The following TTLL11 variants were observed in gnomAD, a reference collection of about 807,000 sequenced individuals.
The protein encoded by TTLL11 is tubulin polyglutamylase TTLL11.
TTLL11 carries 42 observed loss-of-function variants against 51.7 expected under a neutral mutation model. The observed-to-expected ratio is 0.81, with a 90% CI of 0.64 to 1.05. The LOEUF (loss-of-function observed/expected upper bound fraction) is 1.05, where lower values mean the gene tolerates loss of function less well. Ranked by LOEUF, TTLL11 falls within the 50% of genes least tolerant of loss-of-function variation. The pLI, the probability that TTLL11 is intolerant of heterozygous loss-of-function variation, is 0.00. For missense variants in TTLL11, 799 were observed against 940.4 expected, an observed-to-expected ratio of 0.85 and a Z score of 1.97; for synonymous variants, 381 against 383.5, an observed-to-expected ratio of 0.99 and a Z score of 0.08.
chr9:121,925,333 C>T (rs2131535002), intron 6 of TTLL11, among the ~76,000 whole-genome samples: 1 of 152,348 alleles, frequency 6.6e-6, no homozygotes, highest in South Asian at 2.1e-4. Flanking sequence ...GGAGATGAGT[C>T]CCAGGCTCCC....
Position 122,092,974 on chromosome 9 carries a change from G to T in TTLL11, c.175C>A (p.Gln59Lys). Residue 59 changes from glutamine (Q) to lysine (K), a missense_variant, in exon 1 of 9, where the codon CAG becomes AAG. Physicochemically the swap from Gln to Lys is moderately conservative, Grantham distance 53. Coordinates refer to ENST00000321582, the MANE Select transcript of TTLL11 (RefSeq NM_001139442.2). ...GGGGCCGGGGCCAGGACCTTGGGCTGCTCCTCCCCTGCCTTGCACTCCGGT... is the reference window on the plus strand; with the variant it reads ...GGGGCCGGGGCCAGGACCTTGGGCTTCTCCTCCCCTGCCTTGCACTCCGGT... ...GEPECKAGEE[Q>K]PKVLAPAPAQ... 1.3e-6 allele frequency: 2 copies of T among 1,572,228 alleles called. No individual in the cohort carries two copies. The highest frequency in any genetic ancestry group is 1.8e-5 in the Admixed American group (1 of 56,960).
chr9:121,873,779 C>G (rs2131402924), intron 6 of TTLL11, among the ~76,000 whole-genome samples: 1 of 151,492 alleles, frequency 6.6e-6, no homozygotes, highest in South Asian at 2.1e-4. Context: ...AACAATCTTG[C>G]CTCAGCTTCC....
At chr9:121,876,576 T>C (rs1838573818) in intron 6 of TTLL11, among the ~76,000 whole-genome samples, 1 of 152,168 alleles carries the variant, frequency 6.6e-6, no homozygotes, top group Non-Finnish European at 1.5e-5. Context: ...GAAAGGTGCT[T>C]GGACTTAGTA....
At chr9:121,876,676 T>C (rs1203966514) in intron 6 of TTLL11, among the ~76,000 whole-genome samples, 1 of 152,206 alleles carries the variant, frequency 6.6e-6, no homozygotes, top group Non-Finnish European at 1.5e-5. Flanking sequence ...GCCAGCACTA[T>C]GTATTCCGAA....
chr9:121,871,635 G>C (rs1838361113), intron 6 of TTLL11, among the ~76,000 whole-genome samples: 1 of 152,160 alleles, frequency 6.6e-6, no homozygotes, highest in African/African-American at 2.4e-5. Context: ...TTTTAGGCCA[G>C]CCTGGCTGAG....
At chr9:122,003,283 A>T (rs902970298) in intron 3 of TTLL11, among the ~76,000 whole-genome samples, 11 of 152,106 alleles carry the variant, frequency 7.2e-5, no homozygotes, top group African/African-American at 2.7e-4. Context: ...ATTATAATGT[A>T]CTTGGGGGAC....
chr9:121,900,051 T>C (rs1445448479), intron 6 of TTLL11, among the ~76,000 whole-genome samples: 1 of 152,196 alleles, frequency 6.6e-6, no homozygotes, highest in Non-Finnish European at 1.5e-5. Flanking sequence ...GCCTAGTAAG[T>C]GAGATTTGAA....
chr9:122,010,414 C>T (rs887898947), intron 3 of TTLL11, among the ~76,000 whole-genome samples: 1 of 152,166 alleles, frequency 6.6e-6, no homozygotes, highest in Non-Finnish European at 1.5e-5. Flanking sequence ...AACTTTGGAG[C>T]GTGGTTCAAG....
intron 6 of TTLL11, among the ~76,000 whole-genome samples, chr9:121,871,544 T>C (rs1409455676): frequency 6.6e-6 from 1 of 152,200 alleles, no homozygotes; most frequent in Non-Finnish European, 1.5e-5. Context: ...TGCCCCTGCT[T>C]GGACTGTAGC....
At chr9:122,088,558 G>A (rs1175204552) in intron 1 of TTLL11, among the ~76,000 whole-genome samples, 4 of 152,192 alleles carry the variant, frequency 2.6e-5, no homozygotes, top group Non-Finnish European at 4.4e-5. Context: ...ATGTAGAACG[G>A]ACACAATAAG....
intron 6 of TTLL11, among the ~76,000 whole-genome samples, chr9:121,931,927 C>T (rs1225778854): frequency 6.6e-6 from 1 of 152,186 alleles, no homozygotes; most frequent in African/African-American, 2.4e-5. Flanking sequence ...TGAATTCTTG[C>T]AGTGCTTAGC....
intron 6 of TTLL11, among the ~76,000 whole-genome samples, chr9:121,893,453 T>G (rs1445691055): frequency 2.6e-5 from 4 of 152,154 alleles, no homozygotes; most frequent in African/African-American, 9.7e-5. Context: ...ATCCTCTGAG[T>G]TAGGTACTAT....
At chr9:121,870,135 G>C (rs777043229) in intron 7 of TTLL11, among the ~76,000 whole-genome samples, 1 of 152,080 alleles carries the variant, frequency 6.6e-6, no homozygotes, top group Non-Finnish European at 1.5e-5. Flanking sequence ...GTGGCTTCAC[G>C]AACGCCAAAC....
chr9:121,934,152 G>A (rs1415790458), intron 6 of TTLL11, among the ~76,000 whole-genome samples: 3 of 152,070 alleles, frequency 2.0e-5, no homozygotes, highest in Non-Finnish European at 4.4e-5. Flanking sequence ...AGAATTGCTT[G>A]AACCCGGGAG....
intron 1 of TTLL11, among the ~76,000 whole-genome samples, chr9:122,048,336 C>A (rs1264726719): frequency 6.6e-6 from 1 of 151,878 alleles, no homozygotes; most frequent in Admixed American, 6.6e-5. Flanking sequence ...CTGACTATAT[C>A]TTTTACTTTT....
At chr9:121,901,096 G>C (rs1467476229) in intron 6 of TTLL11, among the ~76,000 whole-genome samples, 1 of 152,146 alleles carries the variant, frequency 6.6e-6, no homozygotes, top group Non-Finnish European at 1.5e-5. Flanking sequence ...CCTCTTTGTG[G>C]CTACTGTAAA....
Position 121,989,515 on chromosome 9 carries a change from C to T in TTLL11, c.949G>A (p.Asp317Asn). ...LDPLEIYIAK[D>N]GLSRFCTEPY... ...TCGGTACAAAACCTAGAGAGTCCGT[C>T]TTTGGCTATATAAATCTCTAAGGGG... is the stretch of plus-strand genomic sequence containing the variant. Residue 317 changes from aspartate (D) to asparagine (N), a missense_variant, in exon 4 of 9, where the codon GAC becomes AAC. Transcript: ENST00000321582. This position sits in a 1 kb window ranked among gnomAD's most constrained non-coding sequence, Gnocchi z 4.2. 9.3e-6 allele frequency: 15 copies of T among 1,614,080 alleles called. No homozygotes were observed. The highest frequency in any genetic ancestry group is 1.2e-5 in the Non-Finnish European group (14 of 1,180,018).
At chr9:121,901,155 T>A (rs1839762408) in intron 6 of TTLL11, among the ~76,000 whole-genome samples, 1 of 152,244 alleles carries the variant, frequency 6.6e-6, no homozygotes, top group South Asian at 2.1e-4. Context: ...TATTGGTGTA[T>A]AGAAAATACT....
At chr9:121,851,932 A>C (rs1426539848) in intron 8 of TTLL11, among the ~76,000 whole-genome samples, 7 of 152,184 alleles carry the variant, frequency 4.6e-5, no homozygotes, top group Non-Finnish European at 5.9e-5. Context: ...CCATCCTACT[A>C]AACACAGCTC....
Sources: allele counts gnomAD v4.1 joint callset (sites outside exome capture counted in the v4.1 genomes callset), GRCh38; gene constraint gnomAD v4.1.1; non-coding constraint Gnocchi (gnomAD v3.1); transcripts MANE v1.5; gene names NCBI Gene and HGNC (gene_info 2026-07-23, HGNC 2026-07-21).